COG5: variants seen among roughly 807,000 people sequenced by gnomAD.
COG5 encodes the protein conserved oligomeric Golgi complex subunit 5.
In COG5, 86 loss-of-function variants were observed where a neutral mutation model predicts 110.4. The ratio of observed to expected loss-of-function variants is 0.78; its 90% CI spans 0.65 to 0.93. The LOEUF is 0.93. Ranked by LOEUF, COG5 falls within the 40% of genes least tolerant of loss-of-function variation. The probability of loss-of-function intolerance (pLI) is 0.00; values close to 1 mark genes in which losing one functional copy is unlikely to be tolerated. For synonymous variants in COG5, 360 were observed against 334.6 expected (o/e 1.08, Z -0.83); for missense variants, 1,077 against 987.0 (o/e 1.09, Z -1.22).
intron 6 of COG5, among the ~76,000 whole-genome samples, chr7:107,457,427 TTTG>T (rs1795734419): frequency 6.6e-6 from 1 of 151,206 alleles, no homozygotes; most frequent in Non-Finnish European, 1.5e-5. Context: ...TGAGTTTTTG[TTTG>T]TTTCTTTGTT....
At chr7:107,316,783 G>C (rs1187416408) in intron 11 of COG5, among the ~76,000 whole-genome samples, 1 of 108,008 alleles carries the variant, frequency 9.3e-6, no homozygotes, top group Non-Finnish European at 2.0e-5. Context: ...AGTCAATGGA[G>C]ATGCACCACT....
chr7:107,271,429 C>T (rs1331565233), intron 14 of COG5, among the ~76,000 whole-genome samples: 1 of 151,820 alleles, frequency 6.6e-6, no homozygotes, highest in Non-Finnish European at 1.5e-5. Flanking sequence ...GTATATATAC[C>T]ATCATTTAAA....
intron 8 of COG5, among the ~76,000 whole-genome samples, chr7:107,364,463 T>C (rs538893240): frequency 1.2e-3 from 183 of 152,284 alleles, no homozygotes; most frequent in Non-Finnish European, 2.0e-3. Context: ...TATTAATGTA[T>C]CAATACGAAA....
intron 11 of COG5, among the ~76,000 whole-genome samples, chr7:107,324,159 TCAGA>T (rs1240670225): frequency 6.6e-6 from 1 of 152,166 alleles, no homozygotes. Flanking sequence ...TAGGAAAAAT[TCAGA>T]CAGAGTTCTT....
At chr7:107,298,839 T>C (rs1198710111) in intron 11 of COG5, among the ~76,000 whole-genome samples, 1 of 152,164 alleles carries the variant, frequency 6.6e-6, no homozygotes, top group Non-Finnish European at 1.5e-5. Flanking sequence ...CAAAGCTTGT[T>C]CTCTAACCAA....
intron 6 of COG5, among the ~76,000 whole-genome samples, chr7:107,458,336 C>T (rs754105776): frequency 2.0e-5 from 3 of 152,006 alleles, no homozygotes; most frequent in Non-Finnish European, 4.4e-5. Flanking sequence ...TAAACATAAA[C>T]TTCTTAAAAA....
intron 10 of COG5, among the ~76,000 whole-genome samples, chr7:107,333,838 T>A (rs948334663): frequency 4.2e-4 from 64 of 152,262 alleles, no homozygotes; most frequent in African/African-American, 1.5e-3. Flanking sequence ...AAGTAAAAGT[T>A]CCTCTTTAAA....
At chr7:107,332,338 TG>T (rs900413324) in intron 10 of COG5, among the ~76,000 whole-genome samples, 1 of 151,700 alleles carries the variant, frequency 6.6e-6, no homozygotes, top group Non-Finnish European at 1.5e-5. Flanking sequence ...TGATTCAGAG[TG>T]GAGAGAGAGG....
rs1326776827 is a variant in COG5 at position 107,503,359 on chromosome 7, G to A, written c.538+23878C>T. ...CTATTCTGTTTCATTGGGTCTATGT[G>A]CCTACTTTTATACCAGAACCATGCT... On this transcript the variant is annotated intron_variant, in intron 6 of 21. Transcript: ENST00000297135. Among the ~76,000 whole-genome samples, 4 of 152,102 alleles carry A rather than the reference G, an allele frequency of 2.6e-5. No homozygotes were observed. The East Asian group carries it at 5.8e-4, about 22-fold the overall frequency.
rs909325841 is a variant in COG5 at position 107,202,604 on chromosome 7, GGAGAT to G, written c.*907_*911del. 1 of 152,368 alleles carries G rather than the reference GGAGAT, an allele frequency of 6.6e-6. No individual in the cohort carries two copies. The highest frequency in any genetic ancestry group is 2.4e-5 in the African/African-American group (1 of 41,386). 9.4% of individuals were successfully genotyped at this position (152,368 alleles called of 1,614,324 possible). On this transcript the variant is annotated 3_prime_UTR_variant, in exon 22 of 22. Transcript: ENST00000297135. ...ATGAGTTCTCAGAATAACAGGTTCA[GGAGAT>G]GAGATGGAAAACATAAGGCAAATTC...
intron 7 of COG5, among the ~76,000 whole-genome samples, chr7:107,392,290 T>C (rs922001266): frequency 1.3e-5 from 2 of 152,172 alleles, no homozygotes; most frequent in Non-Finnish European, 2.9e-5. Context: ...TGCAATCATC[T>C]AGTGAGCTCC....
chr7:107,301,304 TAAG>T (rs1052555290), intron 11 of COG5, among the ~76,000 whole-genome samples: 1 of 151,926 alleles, frequency 6.6e-6, no homozygotes, highest in Non-Finnish European at 1.5e-5. Context: ...AAAATACGGC[TAAG>T]AAAATGAAAA....
In COG5 at chr7:107,543,291, G is replaced by A. The variant is rs151313397; in HGVS notation, c.417+4820C>T. Among the ~76,000 whole-genome samples the A allele has an allele frequency of 7.9e-3, 1,197 of 152,260 alleles. 10 individuals carry two copies. Among genetic ancestry groups the A allele is most frequent in the Middle Eastern group, 0.02 (6 of 294 alleles). On this transcript the variant is annotated intron_variant, in intron 5 of 21. Transcript: ENST00000297135. ...GGAAGGACAGTATTACATTACCTGC[G>A]TCCCCCAACACCAGCCAGCTAGCAA...
At chr7:107,261,485 G>A (rs1405726588) in intron 14 of COG5, among the ~76,000 whole-genome samples, 12 of 152,104 alleles carry the variant, frequency 7.9e-5, no homozygotes. Context: ...TTACATCGAT[G>A]AAATATTTTT....
intron 6 of COG5, among the ~76,000 whole-genome samples, chr7:107,469,786 A>AT (rs890945506): frequency 6.2e-4 from 94 of 150,990 alleles, no homozygotes; most frequent in African/African-American, 2.1e-3. Context: ...ACCTCCCTGC[A>AT]TTTTTTTTTA....
At chr7:107,485,646 C>A (rs1350660464) in intron 6 of COG5, among the ~76,000 whole-genome samples, 1 of 152,058 alleles carries the variant, frequency 6.6e-6, no homozygotes, top group Middle Eastern at 3.2e-3. Flanking sequence ...GTATACAAGT[C>A]TTTTATCTTG....
At chr7:107,445,722 T>C (rs2129089490) in intron 6 of COG5, among the ~76,000 whole-genome samples, 2 of 152,348 alleles carry the variant, frequency 1.3e-5, no homozygotes, top group Admixed American at 6.5e-5. Flanking sequence ...AAGAATGGTA[T>C]ACGATGAAAA....
chr7:107,384,247 G>A lies in COG5; in HGVS notation c.670-11487C>T, dbSNP rs189487852. On this transcript the variant is annotated intron_variant, in intron 7 of 21. Transcript: ENST00000297135. ...AAAATAGCGCCCCCTGTCAGCAAGA[G>A]GCAGTTAAGATCAGTCTTCATCTTT... Among the ~76,000 whole-genome samples, 809 of 152,202 alleles carry A rather than the reference G, an allele frequency of 5.3e-3. 9 individuals carry two copies. The highest frequency in any genetic ancestry group is 0.019 in the African/African-American group (787 of 41,520).
rs1801865666 is a variant in COG5 at position 107,540,055 on chromosome 7, G to C, written c.417+8056C>G. 2.0e-5 allele frequency among the ~76,000 whole-genome samples: 3 copies of C among 152,168 alleles called. No individual in the cohort carries two copies. In the South Asian group the frequency reaches 6.2e-4, roughly 32 times the overall value. On this transcript the variant is annotated intron_variant, in intron 5 of 21. Coordinates refer to ENST00000297135, the MANE Select transcript of COG5 (RefSeq NM_006348.5). ...ATTACATTTCAAGAAAGCCAAAAAA[G>C]CTAGTGTTTATGGGCAGAGAATTGG...
Sources: gnomAD v4.1 joint callset for allele counts (sites outside exome capture counted in the v4.1 genomes callset) on GRCh38, gnomAD v4.1.1 for gene constraint, MANE v1.5 for transcripts, NCBI Gene and HGNC (gene_info 2026-07-23, HGNC 2026-07-21) for gene names.